Variants in GPC5 observed in about 807,000 individuals in gnomAD.
The protein encoded by GPC5 is glypican 5.
In GPC5, 47 loss-of-function variants were observed where a neutral mutation model predicts 53.9. The ratio of observed to expected loss-of-function variants is 0.87; its 90% CI spans 0.69 to 1.11. The LOEUF (loss-of-function observed/expected upper bound fraction) is 1.11. GPC5 is among the 50% of genes most tolerant of loss of function. The pLI is 0.00. For missense variants in GPC5, 748 were observed against 713.1 expected, an observed-to-expected ratio of 1.05 and a Z score of -0.56; for synonymous variants, 286 against 263.3, an observed-to-expected ratio of 1.09 and a Z score of -0.84.
intron 7 of GPC5, among the ~76,000 whole-genome samples, chr13:92,586,784 A>G (rs1389446553): frequency 6.6e-6 from 1 of 152,168 alleles, no homozygotes. Flanking sequence ...GGGCTAGGAG[A>G]GAAACGGAAA....
At chr13:92,357,701 G>A (rs1450788926) in intron 7 of GPC5, among the ~76,000 whole-genome samples, 1 of 151,606 alleles carries the variant, frequency 6.6e-6, no homozygotes, top group Admixed American at 6.6e-5. Flanking sequence ...AAGGCGAAGA[G>A]GAAGGAGGCA....
chr13:92,353,266 C>CAAAA (rs563794696), intron 7 of GPC5, among the ~76,000 whole-genome samples: 10 of 66,904 alleles, frequency 1.5e-4, no homozygotes, highest in African/African-American at 2.4e-4. Flanking sequence ...GACTCCGTCT[C>CAAAA]AAAAAAAAAA....
At chr13:92,755,747 C>A (rs1874832624) in intron 7 of GPC5, among the ~76,000 whole-genome samples, 1 of 139,884 alleles carries the variant, frequency 7.1e-6, no homozygotes, top group East Asian at 2.3e-4. Flanking sequence ...GGATAAATTC[C>A]TCGACACATA....
At chr13:92,601,447 C>T (rs1252918083) in intron 7 of GPC5, among the ~76,000 whole-genome samples, 1 of 148,310 alleles carries the variant, frequency 6.7e-6, no homozygotes, top group Non-Finnish European at 1.5e-5. Flanking sequence ...CCCAGCTACT[C>T]GGGAGGCTGA....
At chr13:91,815,433 C>T (rs1253400230) in intron 5 of GPC5, among the ~76,000 whole-genome samples, 1 of 152,166 alleles carries the variant, frequency 6.6e-6, no homozygotes, top group Non-Finnish European at 1.5e-5. Flanking sequence ...ATACTGTTTA[C>T]TCCCCTATTT....
At chr13:92,680,786 T>C in intron 7 of GPC5, among the ~76,000 whole-genome samples, 1 of 152,072 alleles carries the variant, frequency 6.6e-6, no homozygotes, top group East Asian at 1.9e-4. Context: ...TAGAGGAAAA[T>C]ATATATTGAT....
intron 7 of GPC5, among the ~76,000 whole-genome samples, chr13:92,273,666 CA>C (rs34290140): frequency 9.9e-5 from 15 of 150,924 alleles, no homozygotes; most frequent in East Asian, 1.9e-4. Flanking sequence ...TTAAAAATGG[CA>C]AAAAAAATGG....
chr13:92,094,769 G>A (rs370988070), intron 6 of GPC5, among the ~76,000 whole-genome samples: 63 of 151,712 alleles, frequency 4.2e-4, no homozygotes, highest in African/African-American at 1.3e-3. Flanking sequence ...AGATTGTGCT[G>A]TTTCAAATTC....
intron 2 of GPC5, among the ~76,000 whole-genome samples, chr13:91,570,628 C>A (rs1375665136): frequency 6.6e-6 from 1 of 152,070 alleles, no homozygotes; most frequent in Admixed American, 6.6e-5. Flanking sequence ...CGAGCAATTA[C>A]CCAAATTCCT....
intron 6 of GPC5, among the ~76,000 whole-genome samples, chr13:92,041,103 C>T (rs1042789781): frequency 2.0e-5 from 3 of 152,252 alleles, no homozygotes; most frequent in East Asian, 1.9e-4. Context: ...CCACCCTTCT[C>T]GGCCTCCCAA....
chr13:92,739,237 T>C (rs1366762968), intron 7 of GPC5, among the ~76,000 whole-genome samples: 2 of 152,100 alleles, frequency 1.3e-5, no homozygotes, highest in African/African-American at 4.8e-5. Context: ...TCATTGTCCA[T>C]TTTAAATTTG....
chr13:91,671,862 C>T (rs1006641402), intron 2 of GPC5, among the ~76,000 whole-genome samples: 4 of 125,372 alleles, frequency 3.2e-5, no homozygotes, highest in African/African-American at 9.3e-5. Context: ...GTTACAGTAA[C>T]AAAAACAGCA....
intron 5 of GPC5, among the ~76,000 whole-genome samples, chr13:91,844,702 G>GT (rs1334854129): frequency 1.3e-5 from 2 of 151,876 alleles, no homozygotes; most frequent in Admixed American, 1.3e-4. Flanking sequence ...ATCCTTGTGT[G>GT]TTTTTTATTT....
intron 2 of GPC5, among the ~76,000 whole-genome samples, chr13:91,458,455 C>A (rs1323142757): frequency 6.6e-6 from 1 of 152,086 alleles, no homozygotes; most frequent in Non-Finnish European, 1.5e-5. Flanking sequence ...CCACTTTCAC[C>A]ACTTCTAATC....
chr13:92,725,455 GGCATATTAGTTTGGCAATT>G (rs1055422859), intron 7 of GPC5, among the ~76,000 whole-genome samples: 1 of 151,412 alleles, frequency 6.6e-6, no homozygotes, highest in Non-Finnish European at 1.5e-5. Context: ...AAACAAAGAA[GGCATATTAGTTTGGCAATT>G]GCAACTCTAG....
chr13:91,760,649 A>G (rs920302359), intron 5 of GPC5, among the ~76,000 whole-genome samples: 1 of 152,136 alleles, frequency 6.6e-6, no homozygotes, highest in Non-Finnish European at 1.5e-5. Flanking sequence ...TCCTGCAGGC[A>G]TTTTTAAAGA....
At chr13:92,611,744 CTCT>C (rs1215905593) in intron 7 of GPC5, among the ~76,000 whole-genome samples, 3 of 152,098 alleles carry the variant, frequency 2.0e-5, no homozygotes, top group Non-Finnish European at 4.4e-5. Context: ...AAAATATTCT[CTCT>C]TTTCTTTTAA....
intron 5 of GPC5, among the ~76,000 whole-genome samples, chr13:91,884,362 A>G (rs1182191115): frequency 2.0e-5 from 3 of 152,216 alleles, no homozygotes; most frequent in South Asian, 2.1e-4. Flanking sequence ...ATGCCCATCA[A>G]TGGTATACTG....
chr13:92,668,924 A>G (rs907587167), intron 7 of GPC5, among the ~76,000 whole-genome samples: 1 of 152,120 alleles, frequency 6.6e-6, no homozygotes, highest in African/African-American at 2.4e-5. Context: ...ATAATTGCTT[A>G]TAGTGTAAAT....
Sources: gnomAD v4.1 joint callset for allele counts (sites outside exome capture counted in the v4.1 genomes callset) on GRCh38, gnomAD v4.1.1 for gene constraint, MANE v1.5 for transcripts, NCBI Gene and HGNC (gene_info 2026-07-23, HGNC 2026-07-21) for gene names.